The following HSPBAP1 variants were observed in gnomAD, a reference collection of about 807,000 sequenced individuals.
The protein encoded by HSPBAP1 is HSPB1 associated protein 1, also known as HSPB1-associated protein 1.
HSPBAP1 carries 27 observed loss-of-function variants against 45.2 expected under a neutral mutation model. That is an observed-to-expected ratio of 0.60 (90% CI 0.44 to 0.82). The LOEUF is 0.82. Ranked by LOEUF, HSPBAP1 falls within the 40% of genes least tolerant of loss-of-function variation. The pLI, the probability that HSPBAP1 is intolerant of heterozygous loss-of-function variation, is 0.00. For missense variants in HSPBAP1, 510 were observed against 590.9 expected (o/e 0.86, Z 1.42); for synonymous variants, 204 against 202.7 (o/e 1.01, Z -0.06).
intron 6 of HSPBAP1, among the ~76,000 whole-genome samples, chr3:122,746,800 G>A (rs142895723): frequency 0.16 from 24,650 of 151,946 alleles, 2,066 homozygotes; most frequent in African/African-American, 0.2. Flanking sequence ...TTGCAGGCGC[G>A]CGCCGCCACG....
chr3:122,743,182 C>A (rs186063832), intron 6 of HSPBAP1, among the ~76,000 whole-genome samples: 193 of 152,306 alleles, frequency 1.3e-3, no homozygotes, highest in Non-Finnish European at 2.4e-3. Flanking sequence ...TACACATATA[C>A]CACATTTTGT....
chr3:122,743,885 T>G (rs1301220183), intron 6 of HSPBAP1, among the ~76,000 whole-genome samples: 3 of 152,096 alleles, frequency 2.0e-5, no homozygotes, highest in Non-Finnish European at 4.4e-5. Context: ...TGGTGGCTCA[T>G]GCCTGTAATC....
chr3:122,774,541 C>T (rs1560150139), intron 2 of HSPBAP1, among the ~76,000 whole-genome samples: 1 of 152,154 alleles, frequency 6.6e-6, no homozygotes, highest in Non-Finnish European at 1.5e-5. Context: ...GGTCTTTAGC[C>T]TAAGCGTAAC....
chr3:122,777,825 A>G lies in HSPBAP1; in HGVS notation c.146T>C (p.Met49Thr), dbSNP rs770134320. 43 of 1,613,638 alleles carry G rather than the reference A, an allele frequency of 2.7e-5. No individual in the cohort carries two copies. Among genetic ancestry groups the G allele is most frequent in the Non-Finnish European group, 3.4e-5 (40 of 1,179,674 alleles). Reference protein sequence around the residue: ...SLQQPAIFCNMVFDWPARHWN... With the variant: ...SLQQPAIFCNTVFDWPARHWN... ...GTGTCGTGCTGGCCAATCAAACACCATGTTACAGAAGATTGCAGGTTGTTG... is the reference window on the plus strand; with the variant it reads ...GTGTCGTGCTGGCCAATCAAACACCGTGTTACAGAAGATTGCAGGTTGTTG... The change falls in exon 2 of 8, where the codon ATG becomes ACG. Residue 49 changes from methionine to threonine, a missense_variant. By Grantham distance (81) the Met-to-Thr change is moderately conservative. Coordinates refer to ENST00000306103, the MANE Select transcript of HSPBAP1 (RefSeq NM_024610.6).
intron 5 of HSPBAP1, 120 bp downstream of exon 5, chr3:122,755,140 G>A (rs1001738936): frequency 3.1e-5 from 37 of 1,194,244 alleles, no homozygotes; most frequent in Non-Finnish European, 4.0e-5. Context: ...GCAGAGCAGA[G>A]GGAAGGAAGC....
chr3:122,781,923 G>A (rs1160509347), intron 1 of HSPBAP1, among the ~76,000 whole-genome samples: 1 of 152,114 alleles, frequency 6.6e-6, no homozygotes, highest in Admixed American at 6.5e-5. Context: ...ATAATGCTGT[G>A]ATAAACACAT....
chr3:122,773,639 G>A lies in HSPBAP1; in HGVS notation c.250+4082C>T, dbSNP rs1046262270. Among the ~76,000 whole-genome samples, 2 of 151,686 alleles carry A rather than the reference G, an allele frequency of 1.3e-5. 1 individual carries two copies. Among genetic ancestry groups the A allele is most frequent in the Admixed American group, 1.3e-4 (2 of 15,242 alleles). On this transcript the variant is annotated intron_variant, in intron 2 of 7. Transcript: ENST00000306103. The stretch of plus-strand genomic sequence containing the variant: ...CCAAATAAATGTTAATTAAAATAAT[G>A]AGATAACATTTTTCACGTAACAGGG...
chr3:122,753,964 A>C, intron 5 of HSPBAP1: 4 of 904,232 alleles, frequency 4.4e-6, no homozygotes, highest in Non-Finnish European at 5.3e-6. Flanking sequence ...CTGTAAAAAT[A>C]ATGATAAAAA....
At chr3:122,756,451 C>T (rs1934358791) in intron 4 of HSPBAP1, among the ~76,000 whole-genome samples, 1 of 152,112 alleles carries the variant, frequency 6.6e-6, no homozygotes, top group Admixed American at 6.5e-5. Context: ...CTTTGGGAGG[C>T]CGAGGCAGAA....
chr3:122,752,819 A>T, intron 5 of HSPBAP1, 145 bp from the exon 6 acceptor site: 1 of 1,397,296 alleles, frequency 7.2e-7, no homozygotes, highest in Non-Finnish European at 9.3e-7. Context: ...AAGTAAGAAA[A>T]AAAACCCCGC....
intron 5 of HSPBAP1, 78 bp from the exon 6 acceptor site, chr3:122,752,752 C>G: frequency 7.0e-7 from 1 of 1,424,004 alleles, no homozygotes; most frequent in Non-Finnish European, 9.4e-7. Context: ...CTAATTGAGG[C>G]TGCTAGGAAA....
chr3:122,759,402 C>T, intron 3 of HSPBAP1, 42 bp from the exon 4 acceptor site: 2 of 1,594,960 alleles, frequency 1.3e-6, no homozygotes, highest in Non-Finnish European at 1.7e-6. Flanking sequence ...AACTAACCAA[C>T]TTCTCTGTAT....
chr3:122,769,140 T>C (rs1264577760), intron 2 of HSPBAP1, among the ~76,000 whole-genome samples: 5 of 152,100 alleles, frequency 3.3e-5, no homozygotes, highest in Non-Finnish European at 5.9e-5. Context: ...AAAAAATTAA[T>C]TAAAAAATTT....
chr3:122,769,128 A>G lies in HSPBAP1; in HGVS notation c.251-246T>C, dbSNP rs1463071735. Among the ~76,000 whole-genome samples the G allele has an allele frequency of 2.0e-5, 3 of 152,048 alleles. No individual in the cohort carries two copies. In the East Asian group the frequency reaches 5.8e-4, roughly 29 times the overall value. On this transcript the variant is annotated intron_variant, in intron 2 of 7. Coordinates refer to ENST00000306103, the MANE Select transcript of HSPBAP1 (RefSeq NM_024610.6). ...GCAACAGAGCAAAACCCCATCTCCA[A>G]AAAAAAATTAATTAAAAAATTTAAA...
chr3:122,768,107 G>A (rs1489730737), intron 3 of HSPBAP1, among the ~76,000 whole-genome samples: 1 of 152,168 alleles, frequency 6.6e-6, no homozygotes, highest in Non-Finnish European at 1.5e-5. Context: ...TGGTAGTCTG[G>A]AAACTCTGTT....
intron 1 of HSPBAP1, among the ~76,000 whole-genome samples, chr3:122,783,302 C>A (rs1344672366): frequency 6.6e-6 from 1 of 152,216 alleles, no homozygotes; most frequent in African/African-American, 2.4e-5. Flanking sequence ...AGTTCTTCAT[C>A]CTTCCATACA....
Position 122,777,720 on chromosome 3 carries a change from C to T in HSPBAP1, c.250+1G>A, listed in dbSNP as rs1387208136. 2 of 1,610,100 alleles carry T rather than the reference C, an allele frequency of 1.2e-6. No individual in the cohort carries two copies. The highest frequency in any genetic ancestry group is 1.7e-5 in the Admixed American group (1 of 59,918). On this transcript the variant is annotated splice_donor_variant, in intron 2 of 7. Coordinates refer to ENST00000306103, the MANE Select transcript of HSPBAP1 (RefSeq NM_024610.6). LOFTEE classifies it high-confidence loss of function. ...ATGATGGTGATTACCTATAGTCATA[C>T]CTGTGCTCATGCTTTTCATCCCCAT... is the stretch of plus-strand genomic sequence containing the variant.
rs61732313 is a variant in HSPBAP1 at position 122,740,630 on chromosome 3, A to G, written c.1182T>C (p.Pro394=). ...GCGGTTCTTCGGACCTCTGTGCTAC[A>G]GGGACCAGATCAGGGCCAAAGGGAC... is the stretch of plus-strand genomic sequence containing the variant. ...AASPFGPDLV[P]VAQRSEEPPS... Residue 394 remains proline (P), a synonymous_variant, in exon 8 of 8, where the codon CCT becomes CCC. Transcript: ENST00000306103. 0.1 allele frequency: 161,513 copies of G among 1,614,028 alleles called. 8,707 individuals carry two copies. The highest frequency in any genetic ancestry group is 0.14 in the East Asian group (6,108 of 44,876).
At chr3:122,742,951 G>A (rs1270583338) in intron 6 of HSPBAP1, among the ~76,000 whole-genome samples, 1 of 152,140 alleles carries the variant, frequency 6.6e-6, no homozygotes, top group East Asian at 1.9e-4. Flanking sequence ...TAGACATCAT[G>A]TAAAGATATC....
Sources: allele counts gnomAD v4.1 joint callset (sites outside exome capture counted in the v4.1 genomes callset), GRCh38; gene constraint gnomAD v4.1.1; transcripts MANE v1.5; gene names NCBI Gene and HGNC (gene_info 2026-07-23, HGNC 2026-07-21).